The following ODAD2 variants were observed in gnomAD, a reference collection of about 807,000 sequenced individuals.
ODAD2 encodes the protein outer dynein arm-docking complex subunit 2.
In ODAD2, 89 loss-of-function variants were observed where a neutral mutation model predicts 106.8. The ratio of observed to expected loss-of-function variants is 0.83; its 90% CI spans 0.70 to 0.99. The LOEUF (loss-of-function observed/expected upper bound fraction) is 0.99. ODAD2 is among the 50% of genes least tolerant of loss of function. The probability of loss-of-function intolerance (pLI) is 0.00; values close to 1 mark genes in which losing one functional copy is unlikely to be tolerated. For missense variants in ODAD2, 1,168 were observed against 1,238.5 expected, an observed-to-expected ratio of 0.94 and a Z score of 0.85; for synonymous variants, 404 against 436.2, an observed-to-expected ratio of 0.93 and a Z score of 0.92.
intron 16 of ODAD2, among the ~76,000 whole-genome samples, chr10:27,922,443 G>A (rs1423028002): frequency 1.3e-5 from 2 of 151,868 alleles, no homozygotes; most frequent in Non-Finnish European, 2.9e-5. Flanking sequence ...CAAAGGCAGG[G>A]TCAATGGTGG....
At chr10:27,944,748 TAGAGCTAAGA>T in intron 11 of ODAD2, 58 bp downstream of exon 11, 1 of 1,591,968 alleles carries the variant, frequency 6.3e-7, no homozygotes, top group Admixed American at 1.7e-5. Flanking sequence ...GGCAGAAACC[TAGAGCTAAGA>T]AGAGAGCCCA....
intron 16 of ODAD2, among the ~76,000 whole-genome samples, chr10:27,924,289 G>C (rs1267726886): frequency 6.6e-6 from 1 of 151,018 alleles, no homozygotes; most frequent in African/African-American, 2.4e-5. Flanking sequence ...TTAAGCAACT[G>C]GGCTAACAGG....
At chr10:27,880,196 C>A (rs1423095260) in intron 17 of ODAD2, among the ~76,000 whole-genome samples, 1 of 152,170 alleles carries the variant, frequency 6.6e-6, no homozygotes, top group Non-Finnish European at 1.5e-5. Context: ...TACAGGATTT[C>A]TAGCTACCCT....
chr10:27,930,535 G>C lies in ODAD2; in HGVS notation c.2495+4475C>G, dbSNP rs115727002. ...TCTCTGAAAAACAAAAACAGGCTGAGAGAATGGCGTGAACCCGGGAGGCGG... is the reference window on the plus strand; with the variant it reads ...TCTCTGAAAAACAAAAACAGGCTGACAGAATGGCGTGAACCCGGGAGGCGG... On this transcript the variant is annotated intron_variant, in intron 16 of 19. Coordinates refer to ENST00000305242, the MANE Select transcript of ODAD2 (RefSeq NM_018076.5). Among the ~76,000 whole-genome samples the C allele has an allele frequency of 3.6e-3, 547 of 151,564 alleles. 6 individuals are homozygous for C. The highest frequency in any genetic ancestry group is 0.012 in the African/African-American group (510 of 41,324).
At chr10:27,940,045 G>T in intron 13 of ODAD2, 38 bp from the exon 14 acceptor site, 1 of 1,342,600 alleles carries the variant, frequency 7.4e-7, no homozygotes, top group Non-Finnish European at 1.0e-6. Flanking sequence ...TGTTCAAGAC[G>T]TGAATATAAG....
chr10:27,822,958 G>C (rs1026525848), intron 19 of ODAD2, among the ~76,000 whole-genome samples: 1 of 152,144 alleles, frequency 6.6e-6, no homozygotes, highest in Non-Finnish European at 1.5e-5. Flanking sequence ...ACAGACAGGA[G>C]ACTCGCACAT....
In ODAD2 at chr10:27,944,328, G is replaced by C; in HGVS notation, c.1637C>G (p.Ser546Cys). ...CAAACATTTTAGACTCTTGTGTGGAGAATCAAGTATATTCACCATAATTGG... is the reference window on the plus strand; with the variant it reads ...CAAACATTTTAGACTCTTGTGTGGACAATCAAGTATATTCACCATAATTGG... ...GLPIMVNILD[S>C]PHKSLKCLAA... The change falls in exon 12 of 20, where the codon TCT becomes TGT. Residue 546 changes from serine to cysteine, a missense_variant. By Grantham distance (112) the Ser-to-Cys change is moderately radical. This residue lies in a region of ODAD2 where 701 missense variants were observed against 712.3 expected (regional missense o/e 0.98). Transcript: ENST00000305242. 6.2e-7 allele frequency: 1 copy of C among 1,614,020 alleles called. No individual in the cohort carries two copies. Among genetic ancestry groups the C allele is most frequent in the Non-Finnish European group, 8.5e-7 (1 of 1,179,970 alleles).
chr10:27,959,865 A>T (rs957344650), intron 10 of ODAD2, among the ~76,000 whole-genome samples: 3 of 152,138 alleles, frequency 2.0e-5, no homozygotes, highest in Non-Finnish European at 4.4e-5. Context: ...CTGTAAAAAA[A>T]CTTATGTAAT....
chr10:27,957,012 T>G (rs1451776971), intron 10 of ODAD2: 2 of 152,156 alleles, frequency 1.3e-5, no homozygotes, highest in African/African-American at 4.8e-5. Context: ...TTCACTGAAG[T>G]TTTAGAGAGA....
At chr10:27,963,849 CT>C in intron 9 of ODAD2, among the ~76,000 whole-genome samples, 1 of 152,084 alleles carries the variant, frequency 6.6e-6, no homozygotes, top group Admixed American at 6.6e-5. Flanking sequence ...GGACAACAGA[CT>C]GTGGGTTAAA....
chr10:27,935,749 T>C (rs1845927480), intron 15 of ODAD2, among the ~76,000 whole-genome samples: 1 of 150,740 alleles, frequency 6.6e-6, no homozygotes, highest in Non-Finnish European at 1.5e-5. Context: ...TAACCACTAA[T>C]ACATTTTACC....
At chr10:27,952,514 C>T (rs896492578) in intron 10 of ODAD2, among the ~76,000 whole-genome samples, 7 of 152,068 alleles carry the variant, frequency 4.6e-5, no homozygotes, top group African/African-American at 1.7e-4. Flanking sequence ...ATTTTCAGCC[C>T]CACATGCACT....
intron 17 of ODAD2, among the ~76,000 whole-genome samples, chr10:27,884,021 A>C (rs1841913770): frequency 6.6e-6 from 1 of 152,136 alleles, no homozygotes; most frequent in African/African-American, 2.4e-5. Flanking sequence ...TATTTGAAAA[A>C]ATAATGGCCA....
chr10:27,873,226 T>G (rs1345383667), intron 17 of ODAD2, among the ~76,000 whole-genome samples: 1 of 139,750 alleles, frequency 7.2e-6, no homozygotes, highest in Non-Finnish European at 1.5e-5. Flanking sequence ...TTTTATTGCG[T>G]CTATTTGATT....
chr10:27,944,438 G>GA lies in ODAD2; in HGVS notation c.1534-8dup, dbSNP rs1162312042. 1.2e-6 allele frequency: 2 copies of GA among 1,604,548 alleles called. No individual in the cohort carries two copies. The highest frequency in any genetic ancestry group is 1.3e-5 in the African/African-American group (1 of 74,266). ...GTATTTTTAATGAACCAATCTGTGT[G>GA]AGAAAAAAAAAGATGAGTGGCGAAT... On this transcript the variant is annotated splice_polypyrimidine_tract_variant and splice_region_variant and intron_variant, in intron 11 of 19. Transcript: ENST00000305242.
intron 3 of ODAD2, among the ~76,000 whole-genome samples, chr10:27,985,522 C>T (rs1441037944): frequency 1.3e-5 from 2 of 152,098 alleles, no homozygotes; most frequent in Non-Finnish European, 2.9e-5. Flanking sequence ...TCAGAATGCA[C>T]ATTCAATTAA....
chr10:27,984,066 G>T, intron 5 of ODAD2, 87 bp from the exon 6 acceptor site: 1 of 1,537,736 alleles, frequency 6.5e-7, no homozygotes, highest in Non-Finnish European at 8.9e-7. Flanking sequence ...AAATATTGTG[G>T]AAATTTTAAG....
chr10:27,991,136 C>T (rs1850211978), intron 2 of ODAD2, among the ~76,000 whole-genome samples: 3 of 152,094 alleles, frequency 2.0e-5, no homozygotes, highest in Non-Finnish European at 2.9e-5. Context: ...AAGTTTCATT[C>T]TGAGGTGTTT....
chr10:27,978,770 T>A (rs1209210232), intron 7 of ODAD2, among the ~76,000 whole-genome samples: 1 of 151,420 alleles, frequency 6.6e-6, no homozygotes, highest in Admixed American at 6.6e-5. Flanking sequence ...TCAGCCTGAG[T>A]GACAGAGCAA....
Sources: allele counts gnomAD v4.1 joint callset (sites outside exome capture counted in the v4.1 genomes callset), GRCh38; gene constraint gnomAD v4.1.1; regional missense constraint gnomAD v4.1.1; transcripts MANE v1.5; gene names NCBI Gene and HGNC (gene_info 2026-07-23, HGNC 2026-07-21).